The following ERC2 variants were observed in gnomAD, a reference collection of about 807,000 sequenced individuals.
ERC2 encodes ERC protein 2.
Under a neutral mutation model 114.8 loss-of-function variants are expected in ERC2, and 42 were observed. That is an observed-to-expected ratio of 0.37 (90% confidence interval 0.29 to 0.47). The LOEUF is 0.47. Among genes scored for constraint, ERC2 ranks in the 20% least tolerant of loss-of-function variants. ERC2 has a pLI of 0.99. For synonymous variants in ERC2, 454 were observed against 425.5 expected (o/e 1.07, Z -0.82); for missense variants, 939 against 1,150.7 (o/e 0.82, Z 2.66).
chr3:56,043,853 T>C (rs1203124064), intron 7 of ERC2, among the ~76,000 whole-genome samples: 2 of 152,186 alleles, frequency 1.3e-5, no homozygotes, highest in Admixed American at 1.3e-4. Flanking sequence ...ATTTAAATAA[T>C]GTATATTTTA....
At chr3:56,288,877 C>G (rs527367777) in intron 3 of ERC2, among the ~76,000 whole-genome samples, 1 of 152,214 alleles carries the variant, frequency 6.6e-6, no homozygotes, top group African/African-American at 2.4e-5. Context: ...GGGAAAGAGG[C>G]ACAAAGGAGA....
At chr3:55,783,578 A>G (rs990250229) in intron 14 of ERC2, among the ~76,000 whole-genome samples, 3 of 152,186 alleles carry the variant, frequency 2.0e-5, no homozygotes, top group African/African-American at 4.8e-5. Context: ...AAAATAAAAA[A>G]CTTTCCTGCT....
chr3:56,126,332 A>G (rs1050213061), intron 6 of ERC2, among the ~76,000 whole-genome samples: 2 of 152,238 alleles, frequency 1.3e-5, no homozygotes, highest in African/African-American at 4.8e-5. Flanking sequence ...CATCATGTTA[A>G]CAGAATGAAG....
rs1453716850 is a variant in ERC2 at position 56,434,381 on chromosome 3, C to A, written c.627G>T (p.Glu209Asp). 1 of 1,613,864 alleles carries A rather than the reference C, an allele frequency of 6.2e-7. No homozygotes were observed. ...EEAARMSVLK[E>D]QMRVSHEENQ... is the part of the protein sequence containing the mutation. ...TTTCTTCATGGGAAACCCTCATCTGCTCCTTGAGGACAGACATCCGCGCTG... is the reference window on the plus strand; with the variant it reads ...TTTCTTCATGGGAAACCCTCATCTGATCCTTGAGGACAGACATCCGCGCTG... The change falls in exon 2 of 18, where the codon GAG becomes GAT. Residue 209 changes from glutamate to aspartate, a missense_variant. Physicochemically the swap from Glu to Asp is conservative, Grantham distance 45. This residue lies in a region of ERC2 where 281 missense variants were observed against 307.4 expected (regional missense o/e 0.91). Transcript: ENST00000288221.
At chr3:55,564,979 C>T (rs1288585578) in intron 17 of ERC2, among the ~76,000 whole-genome samples, 3 of 152,198 alleles carry the variant, frequency 2.0e-5, no homozygotes, top group South Asian at 4.1e-4. Flanking sequence ...TGTAAACGAA[C>T]GAGTGTGGCT....
At chr3:55,839,578 AT>A (rs1314087141) in intron 14 of ERC2, among the ~76,000 whole-genome samples, 4 of 152,070 alleles carry the variant, frequency 2.6e-5, no homozygotes, top group African/African-American at 7.2e-5. Context: ...TGGAAATATA[AT>A]AAGATTCTTA....
intron 3 of ERC2, among the ~76,000 whole-genome samples, chr3:56,249,961 G>A (rs755878999): frequency 2.1e-5 from 3 of 146,198 alleles, no homozygotes; most frequent in African/African-American, 5.1e-5. Context: ...GGGTTCAAGC[G>A]ATTCTCCTGC....
intron 17 of ERC2, among the ~76,000 whole-genome samples, chr3:55,638,869 G>T (rs988255234): frequency 2.0e-5 from 3 of 152,122 alleles, no homozygotes; most frequent in Admixed American, 2.0e-4. Context: ...AGTATTATTG[G>T]TACAGCTACA....
At chr3:56,020,522 C>T (rs1488448710) in intron 7 of ERC2, among the ~76,000 whole-genome samples, 1 of 152,162 alleles carries the variant, frequency 6.6e-6, no homozygotes, top group African/African-American at 2.4e-5. Flanking sequence ...GGCTTCCTCC[C>T]TTCCAGACAA....
chr3:55,780,811 G>A (rs77954696), intron 14 of ERC2, among the ~76,000 whole-genome samples: 4,094 of 152,254 alleles, frequency 0.027, 79 homozygotes, highest in Middle Eastern at 0.075. Context: ...AATCTGCCAT[G>A]CTCTTGACCA....
intron 1 of ERC2, among the ~76,000 whole-genome samples, chr3:56,461,035 A>G (rs538645809): frequency 5.5e-4 from 83 of 150,336 alleles, no homozygotes; most frequent in African/African-American, 1.9e-3. Context: ...GAGGTGCACT[A>G]TACAATATGT....
At chr3:56,167,028 T>C (rs1056693493) in intron 4 of ERC2, among the ~76,000 whole-genome samples, 3 of 152,144 alleles carry the variant, frequency 2.0e-5, no homozygotes, top group Non-Finnish European at 4.4e-5. Flanking sequence ...AGACACTCCT[T>C]ATCCTTTCTA....
At chr3:55,846,514 G>A (rs1045484030) in intron 14 of ERC2, among the ~76,000 whole-genome samples, 12 of 152,282 alleles carry the variant, frequency 7.9e-5, no homozygotes, top group Non-Finnish European at 1.2e-4. Context: ...TATATACCCA[G>A]TAATGAGATT....
chr3:55,920,128 C>T (rs561497705), intron 13 of ERC2, among the ~76,000 whole-genome samples: 9 of 151,756 alleles, frequency 5.9e-5, no homozygotes, highest in Non-Finnish European at 8.8e-5. Context: ...AGAGGATTCT[C>T]TTTGAGAAAA....
At chr3:55,649,090 T>C (rs531823466) in intron 17 of ERC2, among the ~76,000 whole-genome samples, 2 of 152,056 alleles carry the variant, frequency 1.3e-5, no homozygotes, top group Non-Finnish European at 2.9e-5. Flanking sequence ...CTACAAGTCA[T>C]CCTTCCCCAA....
intron 2 of ERC2, among the ~76,000 whole-genome samples, chr3:56,377,033 A>G (rs933542538): frequency 1.3e-5 from 2 of 152,140 alleles, no homozygotes; most frequent in African/African-American, 4.8e-5. Context: ...ACCTCCCCCC[A>G]TCACGATCCC....
chr3:55,903,069 T>C (rs188808552), intron 13 of ERC2, among the ~76,000 whole-genome samples: 53 of 152,358 alleles, frequency 3.5e-4, no homozygotes, highest in African/African-American at 1.2e-3. Flanking sequence ...CTTTCACAAC[T>C]GGGATGAAAA....
chr3:56,458,116 T>C (rs969952371), intron 1 of ERC2, among the ~76,000 whole-genome samples: 4 of 152,240 alleles, frequency 2.6e-5, no homozygotes, highest in African/African-American at 9.6e-5. Context: ...CAGAATGGCT[T>C]AATTCTTTGT....
intron 2 of ERC2, among the ~76,000 whole-genome samples, chr3:56,324,448 A>C (rs190500368): frequency 1.3e-3 from 191 of 152,326 alleles, no homozygotes; most frequent in African/African-American, 4.1e-3. Context: ...TGAACATCAT[A>C]GCTTAGCATA....
Sources: allele counts gnomAD v4.1 joint callset (sites outside exome capture counted in the v4.1 genomes callset), GRCh38; gene constraint gnomAD v4.1.1; regional missense constraint gnomAD v4.1.1; transcripts MANE v1.5; gene names NCBI Gene and HGNC (gene_info 2026-07-23, HGNC 2026-07-21).